Variants in IGSF21 observed in about 807,000 individuals in gnomAD.
IGSF21 encodes immunoglobulin superfamily member 21.
Under a neutral mutation model 46.8 loss-of-function variants are expected in IGSF21, and 28 were observed. The observed-to-expected ratio is 0.60, with a 90% CI of 0.44 to 0.82. The LOEUF is 0.82. IGSF21 is among the 40% of genes least tolerant of loss of function. The pLI, the probability that IGSF21 is intolerant of heterozygous loss-of-function variation, is 0.00. For synonymous variants in IGSF21, 284 were observed against 273.6 expected (o/e 1.04, Z -0.38); for missense variants, 624 against 665.5 (o/e 0.94, Z 0.69).
chr1:18,272,535 A>C (rs544087669), intron 2 of IGSF21, among the ~76,000 whole-genome samples: 1 of 152,232 alleles, frequency 6.6e-6, no homozygotes, highest in South Asian at 2.1e-4. Flanking sequence ...AAATGGTCGC[A>C]CTTCCACTGT....
intron 3 of IGSF21, among the ~76,000 whole-genome samples, chr1:18,299,878 G>A (rs1463976238): frequency 1.3e-5 from 2 of 152,084 alleles, no homozygotes; most frequent in Non-Finnish European, 2.9e-5. Flanking sequence ...TAGAAGACAG[G>A]GTTGCAGGTC....
chr1:18,347,654 T>C (rs1452598546), intron 4 of IGSF21, among the ~76,000 whole-genome samples: 1 of 152,140 alleles, frequency 6.6e-6, no homozygotes, highest in Non-Finnish European at 1.5e-5. Flanking sequence ...GGCCCTGAGC[T>C]CGGGAGGGAA....
intron 1 of IGSF21, among the ~76,000 whole-genome samples, chr1:18,193,046 C>T (rs1357666027): frequency 1.3e-5 from 2 of 151,788 alleles, no homozygotes; most frequent in Non-Finnish European, 2.9e-5. Context: ...GACAAGCACA[C>T]CAAGTTCATG....
At position 18,265,843 on chromosome 1, in the gene IGSF21, G is replaced by A. The variant is rs374746443; in HGVS notation, c.184-26023G>A. Among the ~76,000 whole-genome samples, 124 of 152,364 alleles carry A rather than the reference G, an allele frequency of 8.1e-4. No homozygotes were observed. In the South Asian group the frequency reaches 9.3e-3, roughly 11 times the overall value. ...CTTCCTTAAGCTCGCAGGCTGAGGA[G>A]CGGGCAAGGTGCAGCCAATGGGCTC... On this transcript the variant is annotated intron_variant, in intron 2 of 9. Transcript: ENST00000251296.
At chr1:18,119,501 G>C (rs1413323141) in intron 1 of IGSF21, among the ~76,000 whole-genome samples, 2 of 152,232 alleles carry the variant, frequency 1.3e-5, no homozygotes, top group African/African-American at 4.8e-5. Context: ...GGACAGCACT[G>C]GTCTAGGACA....
chr1:18,359,338 A>AAAAGAAAGAAAGAAAG lies in IGSF21; in HGVS notation c.425-2744_425-2729dup, dbSNP rs1173594584. On this transcript the variant is annotated intron_variant, in intron 4 of 9. Transcript: ENST00000251296. The stretch of plus-strand genomic sequence containing the variant: ...AAAGAGAGAGAGAGAAAGAGAAAGA[A>AAAAGAAAGAAAGAAAG]AAAGAAAGAAAGAAAGAAAGAAAGA... Among the ~76,000 whole-genome samples, 89 of 35,358 alleles carry AAAAGAAAGAAAGAAAG rather than the reference A, an allele frequency of 2.5e-3. 1 individual carries two copies. The highest frequency in any genetic ancestry group is 4.2e-3 in the African/African-American group (44 of 10,474). 23.2% of individuals were successfully genotyped at this position (35,358 alleles called of 152,430 possible).
At position 18,180,547 on chromosome 1, in the gene IGSF21, A is replaced by G. The variant is rs544264336; in HGVS notation, c.71-47351A>G. 3.9e-5 allele frequency among the ~76,000 whole-genome samples: 6 copies of G among 152,330 alleles called. 1 individual carries two copies. In the South Asian group the frequency reaches 1.0e-3, roughly 26 times the overall value. On this transcript the variant is annotated intron_variant, in intron 1 of 9. Transcript: ENST00000251296. ...TGTAGACAGGTCCAAGGTTTGAGCA[A>G]AAAAGTGGTTTGGAAGGCGCAGTTA... is the stretch of plus-strand genomic sequence containing the variant.
chr1:18,109,037 C>T lies in IGSF21; in HGVS notation c.70+839C>T, dbSNP rs1382437011. ...GTGTCCCGCCGTGTGGACTTGCTCC[C>T]GGGTTAGGCTAAGACAGCTAGAAGG... On this transcript the variant is annotated intron_variant, in intron 1 of 9. Transcript: ENST00000251296. The surrounding 1 kb of genome is among the most constrained non-coding windows in gnomAD (Gnocchi z 4.8). 1.5e-5 allele frequency among the ~76,000 whole-genome samples: 2 copies of T among 131,066 alleles called. No homozygotes were observed. The highest frequency in any genetic ancestry group is 5.6e-5 in the African/African-American group (2 of 35,690). The allele number at this position is 131,066 out of a possible 152,430, so 86.0% of individuals were successfully genotyped here. A position where few individuals can be genotyped will look rare whatever the true frequency, so the allele number is the denominator to read the frequency against.
chr1:18,170,165 A>G (rs2086722613), intron 1 of IGSF21, among the ~76,000 whole-genome samples: 1 of 152,268 alleles, frequency 6.6e-6, no homozygotes, highest in South Asian at 2.1e-4. Context: ...GCATCACTGG[A>G]CCTTGATGCT....
chr1:18,234,571 G>A (rs903530889), intron 2 of IGSF21, among the ~76,000 whole-genome samples: 4 of 152,134 alleles, frequency 2.6e-5, no homozygotes, highest in African/African-American at 7.2e-5. Context: ...CAGGGCTGGG[G>A]AGGCCTCAGG....
intron 3 of IGSF21, among the ~76,000 whole-genome samples, chr1:18,310,111 T>A (rs56018129): frequency 0.14 from 21,765 of 152,230 alleles, 1,698 homozygotes; most frequent in African/African-American, 0.18. Flanking sequence ...CCCAGCCTCA[T>A]GAAGGCTGAC....
intron 2 of IGSF21, among the ~76,000 whole-genome samples, chr1:18,287,065 C>T (rs1025373981): frequency 1.6e-4 from 24 of 150,902 alleles, no homozygotes; most frequent in African/African-American, 5.8e-4. Context: ...CCTGTAGTCC[C>T]AGCTACTTGG....
chr1:18,286,831 T>C (rs1156646415), intron 2 of IGSF21, among the ~76,000 whole-genome samples: 1 of 152,186 alleles, frequency 6.6e-6, no homozygotes, highest in Non-Finnish European at 1.5e-5. Flanking sequence ...CAGATATTTA[T>C]CGAGCGAGTG....
chr1:18,153,864 AT>A (rs1241049887), intron 1 of IGSF21, among the ~76,000 whole-genome samples: 8 of 152,066 alleles, frequency 5.3e-5, no homozygotes, highest in Admixed American at 1.3e-4. Context: ...GCTGCATCTC[AT>A]TTCATCAGCT....
intron 2 of IGSF21, among the ~76,000 whole-genome samples, chr1:18,252,777 T>A (rs1040796808): frequency 6.6e-6 from 1 of 152,172 alleles, no homozygotes; most frequent in Non-Finnish European, 1.5e-5. Context: ...GGTACAAAGA[T>A]CATGGGTTCC....
intron 1 of IGSF21, among the ~76,000 whole-genome samples, chr1:18,154,003 C>A (rs9661678): frequency 0.11 from 17,105 of 152,150 alleles, 1,045 homozygotes; most frequent in Middle Eastern, 0.2. Context: ...GGAGCCGATC[C>A]GTTCCTAGGT....
At chr1:18,128,281 G>A (rs1177630981) in intron 1 of IGSF21, among the ~76,000 whole-genome samples, 1 of 152,134 alleles carries the variant, frequency 6.6e-6, no homozygotes, top group East Asian at 1.9e-4. Flanking sequence ...CAGGGCTGTG[G>A]GATTGTGAGG....
intron 1 of IGSF21, among the ~76,000 whole-genome samples, chr1:18,116,100 G>T (rs2086188008): frequency 6.6e-6 from 1 of 152,146 alleles, no homozygotes; most frequent in Non-Finnish European, 1.5e-5. Context: ...TGAGTGAGGG[G>T]CAGAGCCAGA....
At chr1:18,349,186 G>A (rs902474979) in intron 4 of IGSF21, among the ~76,000 whole-genome samples, 3 of 152,118 alleles carry the variant, frequency 2.0e-5, no homozygotes, top group African/African-American at 7.2e-5. Context: ...CCAAGACCCC[G>A]TGACTTAGGG....
Sources: gnomAD v4.1 joint callset for allele counts (sites outside exome capture counted in the v4.1 genomes callset) on GRCh38, gnomAD v4.1.1 for gene constraint, Gnocchi (gnomAD v3.1) non-coding constraint, MANE v1.5 for transcripts, NCBI Gene and HGNC (gene_info 2026-07-23, HGNC 2026-07-21) for gene names.